The following SGCZ variants were observed in gnomAD, a reference collection of about 807,000 sequenced individuals.
The protein encoded by SGCZ is sarcoglycan zeta.
SGCZ carries 40 observed loss-of-function variants against 41.3 expected under a neutral mutation model. The observed-to-expected ratio is 0.97, with a 90% CI of 0.75 to 1.26. The LOEUF (loss-of-function observed/expected upper bound fraction) is 1.26. SGCZ is among the 50% of genes most tolerant of loss of function. The pLI is 0.00. For synonymous variants in SGCZ, 206 were observed against 137.5 expected, an observed-to-expected ratio of 1.50 and a Z score of -3.49; for missense variants, 552 against 369.8, an observed-to-expected ratio of 1.49 and a Z score of -4.04.
At chr8:15,083,488 G>A (rs1229013529) in intron 1 of SGCZ, among the ~76,000 whole-genome samples, 1 of 152,082 alleles carries the variant, frequency 6.6e-6, no homozygotes, top group African/African-American at 2.4e-5. Flanking sequence ...GTTAACATAT[G>A]TGTTTACTGC....
chr8:15,168,466 C>CG (rs1399482216), intron 1 of SGCZ, among the ~76,000 whole-genome samples: 2 of 152,202 alleles, frequency 1.3e-5, no homozygotes, highest in African/African-American at 4.8e-5. Flanking sequence ...CTAGCTCCCC[C>CG]CACAACCCAA....
At chr8:14,287,971 T>G (rs1800698250) in intron 3 of SGCZ, among the ~76,000 whole-genome samples, 1 of 152,144 alleles carries the variant, frequency 6.6e-6, no homozygotes, top group Non-Finnish European at 1.5e-5. Context: ...AATTCTGGTT[T>G]GTTAGCTATT....
intron 1 of SGCZ, among the ~76,000 whole-genome samples, chr8:14,716,281 A>G (rs1809687720): frequency 6.6e-6 from 1 of 152,084 alleles, no homozygotes; most frequent in Admixed American, 6.6e-5. Flanking sequence ...ACTAGAAGAG[A>G]AAAATAGGAG....
At chr8:14,369,375 C>T (rs1035329756) in intron 2 of SGCZ, among the ~76,000 whole-genome samples, 2 of 151,898 alleles carry the variant, frequency 1.3e-5, no homozygotes, top group African/African-American at 4.8e-5. Flanking sequence ...ATTTGAGCTT[C>T]TCTGATATAT....
At chr8:14,559,290 T>C (rs570319524) in intron 1 of SGCZ, among the ~76,000 whole-genome samples, 1 of 152,184 alleles carries the variant, frequency 6.6e-6, no homozygotes, top group East Asian at 1.9e-4. Flanking sequence ...AGTTTTAGGA[T>C]ACAAAACTAA....
intron 4 of SGCZ, among the ~76,000 whole-genome samples, chr8:14,186,105 T>C (rs1423948461): frequency 6.6e-6 from 1 of 152,200 alleles, no homozygotes; most frequent in African/African-American, 2.4e-5. Flanking sequence ...CCCCAGTAAT[T>C]TAGCGCTCTA....
chr8:14,681,406 T>C (rs1035327673), intron 1 of SGCZ, among the ~76,000 whole-genome samples: 12 of 152,152 alleles, frequency 7.9e-5, no homozygotes, highest in African/African-American at 2.9e-4. Context: ...AAAATAGAAA[T>C]AGGACTTTTA....
chr8:14,145,229 G>A (rs1424722128), intron 5 of SGCZ, among the ~76,000 whole-genome samples: 2 of 152,146 alleles, frequency 1.3e-5, no homozygotes, highest in East Asian at 1.9e-4. Context: ...TCAGGACAGA[G>A]AGAATCTTTT....
chr8:14,694,147 T>C (rs1808887123), intron 1 of SGCZ, among the ~76,000 whole-genome samples: 1 of 152,160 alleles, frequency 6.6e-6, no homozygotes, highest in Non-Finnish European at 1.5e-5. Flanking sequence ...AGGGTAAATA[T>C]AACCCTTAGC....
At chr8:14,285,513 A>T (rs1800591261) in intron 3 of SGCZ, among the ~76,000 whole-genome samples, 1 of 152,112 alleles carries the variant, frequency 6.6e-6, no homozygotes, top group South Asian at 2.1e-4. Context: ...TGAATTATTG[A>T]GGTAAAATGT....
intron 1 of SGCZ, among the ~76,000 whole-genome samples, chr8:14,942,755 G>T (rs774303851): frequency 6.6e-6 from 1 of 152,024 alleles, no homozygotes; most frequent in East Asian, 1.9e-4. Flanking sequence ...GTGTTGCCAT[G>T]TTGAGAACCA....
At chr8:15,081,567 C>T (rs1333253216) in intron 1 of SGCZ, among the ~76,000 whole-genome samples, 5 of 142,532 alleles carry the variant, frequency 3.5e-5, no homozygotes, top group Non-Finnish European at 7.5e-5. Context: ...TTTGAAAGAA[C>T]AGAAAAAAAT....
At chr8:14,452,244 A>G (rs1165556987) in intron 2 of SGCZ, among the ~76,000 whole-genome samples, 1 of 152,158 alleles carries the variant, frequency 6.6e-6, no homozygotes, top group Non-Finnish European at 1.5e-5. Context: ...CAACTATATG[A>G]CATTCTGGGA....
chr8:15,235,944 A>G (rs1387939053), intron 1 of SGCZ, among the ~76,000 whole-genome samples: 1 of 152,218 alleles, frequency 6.6e-6, no homozygotes, highest in Non-Finnish European at 1.5e-5. Context: ...AAAGAGAAGT[A>G]GGGAATCTTT....
At position 14,470,675 on chromosome 8, in the gene SGCZ, G is replaced by A. The variant is rs569996716; in HGVS notation, c.234+84057C>T. Among the ~76,000 whole-genome samples the A allele has an allele frequency of 2.9e-4, 44 of 152,210 alleles. 1 individual carries two copies. The South Asian group carries it at 3.7e-3, about 13-fold the overall frequency. On this transcript the variant is annotated intron_variant, in intron 2 of 7. Transcript: ENST00000382080. ...ACTATATGACGGTTGGAGATAATCA[G>A]TAATTAAACTAAGAACCTTTCTGAT...
intron 1 of SGCZ, among the ~76,000 whole-genome samples, chr8:14,647,786 G>A (rs1016013228): frequency 6.6e-6 from 1 of 152,018 alleles, no homozygotes; most frequent in Admixed American, 6.6e-5. Context: ...TGTGGGCAAT[G>A]ACATCAAGAT....
intron 1 of SGCZ, among the ~76,000 whole-genome samples, chr8:14,634,467 A>T (rs1806762740): frequency 6.6e-6 from 1 of 151,864 alleles, no homozygotes; most frequent in African/African-American, 2.4e-5. Flanking sequence ...ATTTTCCTAA[A>T]ACCACAGTGT....
chr8:14,765,408 A>G (rs1208491022), intron 1 of SGCZ, among the ~76,000 whole-genome samples: 2 of 152,196 alleles, frequency 1.3e-5, no homozygotes, highest in African/African-American at 2.4e-5. Context: ...ATTTTCTCAT[A>G]TGCTATAGAG....
rs1585553681 is a variant in SGCZ, at chr8:15,091,974, GAAATCCTGGGCTCAAGCGATCC to G, written c.39+145589_39+145610del. ...TCACTGTGTTGCCCAGGCTGGCCTC[GAAATCCTGGGCTCAAGCGATCC>G]ACATGACTCGGCCTCCCAAAGTCCT... On this transcript the variant is annotated intron_variant, in intron 1 of 7. Transcript: ENST00000382080. Among the ~76,000 whole-genome samples, 4 of 152,038 alleles carry G rather than the reference GAAATCCTGGGCTCAAGCGATCC, an allele frequency of 2.6e-5. No homozygotes were observed. In the East Asian group the frequency reaches 7.7e-4, roughly 29 times the overall value.
Sources: allele counts gnomAD v4.1 joint callset (sites outside exome capture counted in the v4.1 genomes callset), GRCh38; gene constraint gnomAD v4.1.1; transcripts MANE v1.5; gene names NCBI Gene and HGNC (gene_info 2026-07-23, HGNC 2026-07-21).